The following IL1RAPL1 variants were observed in gnomAD, a reference collection of about 807,000 sequenced individuals.
The protein encoded by IL1RAPL1 is interleukin 1 receptor accessory protein like 1, also known as interleukin-1 receptor accessory protein-like 1.
Under a neutral mutation model 48.4 loss-of-function variants are expected in IL1RAPL1, and 3 were observed. That is an observed-to-expected ratio of 0.06 (90% CI 0.03 to 0.16). The LOEUF is 0.16. IL1RAPL1 is among the 10% of genes least tolerant of loss of function. IL1RAPL1 has a pLI of 1.00. For synonymous variants in IL1RAPL1, 185 were observed against 187.7 expected (o/e 0.99, Z 0.12); for missense variants, 349 against 530.6 (o/e 0.66, Z 3.36).
intron 2 of IL1RAPL1, among the ~76,000 whole-genome samples, chrX:29,243,533 T>C (rs1334075956): frequency 8.9e-6 from 1 of 112,043 alleles, no homozygotes; most frequent in Non-Finnish European, 1.9e-5. Context: ...CACTTTCTCT[T>C]GTTCTCCTGT....
At chrX:29,896,492 T>TATAG (rs1329658047) in intron 6 of IL1RAPL1, among the ~76,000 whole-genome samples, 1 of 112,253 alleles carries the variant, frequency 8.9e-6, no homozygotes, top group Non-Finnish European at 1.9e-5. Context: ...TACACATACA[T>TATAG]ATAGATAGAT....
intron 5 of IL1RAPL1, among the ~76,000 whole-genome samples, chrX:29,666,911 T>C (rs1176761930): frequency 1.8e-5 from 2 of 111,907 alleles, no homozygotes; most frequent in Non-Finnish European, 3.8e-5. Context: ...AACCAGAGTC[T>C]AAGAAATGTA....
intron 1 of IL1RAPL1, among the ~76,000 whole-genome samples, chrX:28,704,684 T>C (rs1184167374): frequency 9.3e-6 from 1 of 107,445 alleles, no homozygotes; most frequent in Non-Finnish European, 1.9e-5. Context: ...GCAAGGTTTT[T>C]CTGGGGAGAT....
intron 2 of IL1RAPL1, among the ~76,000 whole-genome samples, chrX:28,814,116 T>C (rs1195666375): frequency 1.8e-5 from 2 of 110,638 alleles, no homozygotes; most frequent in Non-Finnish European, 3.8e-5. Flanking sequence ...TGAGTTACGG[T>C]AATCTTTGAT....
At chrX:29,258,598 GT>G (rs1233181689) in intron 2 of IL1RAPL1, among the ~76,000 whole-genome samples, 23 of 103,511 alleles carry the variant, frequency 2.2e-4, no homozygotes, top group South Asian at 4.2e-4. Context: ...TTATTATTTA[GT>G]TTTTTTTTTT....
chrX:28,877,810 T>G (rs1487396431), intron 2 of IL1RAPL1, among the ~76,000 whole-genome samples: 2 of 111,875 alleles, frequency 1.8e-5, no homozygotes, highest in Non-Finnish European at 3.8e-5. Flanking sequence ...TTAAAGCTTC[T>G]GTTGCAAGCA....
intron 1 of IL1RAPL1, among the ~76,000 whole-genome samples, chrX:28,684,001 A>G (rs887850912): frequency 6.2e-5 from 7 of 112,532 alleles, no homozygotes; most frequent in Non-Finnish European, 1.1e-4. Context: ...GTAAGGTTAC[A>G]TGTCCACAGT....
intron 6 of IL1RAPL1, among the ~76,000 whole-genome samples, chrX:29,708,625 G>T (rs1022079273): frequency 1.8e-5 from 2 of 111,826 alleles, no homozygotes; most frequent in African/African-American, 6.5e-5. Context: ...TCTGTTGATG[G>T]ACACTTAGTT....
chrX:29,445,069 C>T (rs1934597171), intron 5 of IL1RAPL1, among the ~76,000 whole-genome samples: 1 of 112,375 alleles, frequency 8.9e-6, no homozygotes, highest in South Asian at 3.7e-4. Flanking sequence ...TTGAAAATTG[C>T]ACAGTTACTG....
intron 1 of IL1RAPL1, among the ~76,000 whole-genome samples, chrX:28,702,561 T>C (rs949388251): frequency 8.3e-4 from 93 of 111,706 alleles, no homozygotes; most frequent in East Asian, 1.7e-3. Flanking sequence ...CATGCTAGTG[T>C]TAACAAAAGA....
chrX:29,390,318 T>C (rs2147681686), intron 3 of IL1RAPL1, among the ~76,000 whole-genome samples: 1 of 111,538 alleles, frequency 9.0e-6, no homozygotes, highest in East Asian at 2.8e-4. Flanking sequence ...GCCAAAGGCT[T>C]ATGACACTTG....
intron 5 of IL1RAPL1, among the ~76,000 whole-genome samples, chrX:29,503,346 C>A (rs545469762): frequency 9.0e-6 from 1 of 111,259 alleles, no homozygotes; most frequent in African/African-American, 3.3e-5. Flanking sequence ...GTTTCAATTT[C>A]GTTTGTTTCT....
intron 2 of IL1RAPL1, among the ~76,000 whole-genome samples, chrX:28,991,365 G>C (rs915606520): frequency 5.6e-5 from 6 of 106,206 alleles, no homozygotes; most frequent in Admixed American, 1.0e-4. Context: ...AATGTATCTG[G>C]ATACCATAAG....
chrX:28,913,745 GGC>G (rs1923418456), intron 2 of IL1RAPL1, among the ~76,000 whole-genome samples: 4 of 111,338 alleles, frequency 3.6e-5, no homozygotes, highest in African/African-American at 1.3e-4. Flanking sequence ...CATCTCTTAT[GGC>G]ATAGAAACAT....
At chrX:29,891,675 T>TA (rs1932277367) in intron 6 of IL1RAPL1, among the ~76,000 whole-genome samples, 1 of 111,660 alleles carries the variant, frequency 9.0e-6, no homozygotes, top group Non-Finnish European at 1.9e-5. Context: ...AATCTTTGCT[T>TA]AACAGTTTGA....
intron 6 of IL1RAPL1, among the ~76,000 whole-genome samples, chrX:29,770,924 A>G (rs1277960630): frequency 5.7e-4 from 64 of 112,331 alleles, no homozygotes; most frequent in Non-Finnish European, 5.6e-5. Context: ...GAATTTCCAC[A>G]GGGTGGAATC....
intron 2 of IL1RAPL1, among the ~76,000 whole-genome samples, chrX:28,971,898 G>T (rs764671099): frequency 9.3e-6 from 1 of 107,356 alleles, no homozygotes; most frequent in Non-Finnish European, 1.9e-5. Flanking sequence ...GTGTGTGTGT[G>T]TGTGTGTGTG....
At position 29,624,533 on chromosome X, in the gene IL1RAPL1, T is replaced by C. The variant is rs187246062; in HGVS notation, c.704-43897T>C. 5.3e-3 allele frequency among the ~76,000 whole-genome samples: 590 copies of C among 112,195 alleles called. 4 individuals carry two copies. Among genetic ancestry groups the C allele is most frequent in the Non-Finnish European group, 9.5e-3 (504 of 53,209 alleles). On this transcript the variant is annotated intron_variant, in intron 5 of 10. Coordinates refer to ENST00000378993, the MANE Select transcript of IL1RAPL1 (RefSeq NM_014271.4). ...ATGTCACATGTAATCACACATTTGA[T>C]TTTTAAGTAATTTTTATTGGCTTGG... is the stretch of plus-strand genomic sequence containing the variant.
intron 1 of IL1RAPL1, among the ~76,000 whole-genome samples, chrX:28,722,701 C>T (rs1286612787): frequency 4.5e-5 from 5 of 111,571 alleles, no homozygotes; most frequent in Admixed American, 1.9e-4. Flanking sequence ...CAGTTTTTGG[C>T]CATTCAGTAT....
Sources: gnomAD v4.1 joint callset for allele counts (sites outside exome capture counted in the v4.1 genomes callset) on GRCh38, gnomAD v4.1.1 for gene constraint, MANE v1.5 for transcripts, NCBI Gene and HGNC (gene_info 2026-07-23, HGNC 2026-07-21) for gene names.